MRGPRF: variants seen among roughly 807,000 people sequenced by gnomAD.
The protein encoded by MRGPRF is MAS related GPR family member F, also known as mas-related G protein-coupled receptor member F.
Under a neutral mutation model 3.3 loss-of-function variants are expected in MRGPRF, and 2 were observed. That is an observed-to-expected ratio of 0.61 (90% CI 0.25 to 1.92). The LOEUF (loss-of-function observed/expected upper bound fraction) is 1.92, where lower values mean the gene tolerates loss of function less well. MRGPRF is among the 40% of genes most tolerant of loss of function. The pLI is 0.16. For synonymous variants in MRGPRF, 242 were observed against 222.7 expected, an observed-to-expected ratio of 1.09 and a Z score of -0.77; for missense variants, 500 against 476.0, an observed-to-expected ratio of 1.05 and a Z score of -0.47.
chr11:69,011,053 A>G (rs1489575796), intron 1 of MRGPRF, among the ~76,000 whole-genome samples: 1 of 152,010 alleles, frequency 6.6e-6, no homozygotes, highest in Admixed American at 6.5e-5. Flanking sequence ...TCCCAAGGGG[A>G]GAGCTGGGCA....
chr11:69,006,357 A>G (rs952981130), intron 2 of MRGPRF, 96 bp from the exon 3 acceptor site: 11 of 1,229,630 alleles, frequency 8.9e-6, no homozygotes, highest in Non-Finnish European at 1.2e-5. Context: ...GGGGGTCCCA[A>G]TTAGGGACTT....
Position 69,004,630 on chromosome 11 carries a change from C to T in MRGPRF, c.*648G>A, listed in dbSNP as rs370766656. 9 of 152,170 alleles carry T rather than the reference C, an allele frequency of 5.9e-5. No individual in the cohort carries two copies. The highest frequency in any genetic ancestry group is 3.9e-4 in the Admixed American group (6 of 15,286). The allele number at this position is 152,170 out of a possible 1,614,324, so 9.4% of individuals were successfully genotyped here. On this transcript the variant is annotated 3_prime_UTR_variant, in exon 3 of 3. Coordinates refer to ENST00000309099, the MANE Select transcript of MRGPRF (RefSeq NM_145015.5). ...GAGGCAGCCTAGGACTGGCTCGTCC[C>T]GGAGTCAGAAAAGGCAGGTCAACTA...
intron 1 of MRGPRF, among the ~76,000 whole-genome samples, chr11:69,011,103 G>A (rs1012847981): frequency 6.6e-6 from 1 of 152,042 alleles, no homozygotes; most frequent in Non-Finnish European, 1.5e-5. Flanking sequence ...TTTCCTCTGC[G>A]CCGCGCGGGT....
intron 2 of MRGPRF, among the ~76,000 whole-genome samples, chr11:69,007,970 T>C (rs948889586): frequency 2.0e-5 from 3 of 152,148 alleles, no homozygotes; most frequent in African/African-American, 4.8e-5. Flanking sequence ...TAGGCTTGTG[T>C]ATAAATGCAT....
At chr11:69,007,450 C>T (rs150589658) in intron 2 of MRGPRF, among the ~76,000 whole-genome samples, 1,523 of 152,196 alleles carry the variant, frequency 0.01, 27 homozygotes, top group African/African-American at 0.034. Context: ...TCAGGTGATC[C>T]GCCCATCTTG....
chr11:69,006,593 C>T (rs1018866221), intron 2 of MRGPRF, among the ~76,000 whole-genome samples: 21 of 150,208 alleles, frequency 1.4e-4, no homozygotes, highest in South Asian at 6.3e-4. Flanking sequence ...ACGTCCAAGT[C>T]GCACAAAAAA....
At chr11:69,007,293 C>T (rs530843145) in intron 2 of MRGPRF, among the ~76,000 whole-genome samples, 6 of 151,954 alleles carry the variant, frequency 3.9e-5, no homozygotes, top group African/African-American at 9.7e-5. Context: ...CTACAGCCTC[C>T]GCCTCCCAGG....
intron 2 of MRGPRF, 104 bp downstream of exon 2, chr11:69,009,749 TG>T: frequency 1.5e-6 from 2 of 1,298,522 alleles, no homozygotes; most frequent in Non-Finnish European, 1.1e-6. Context: ...AGCTGGAAAG[TG>T]GGGCCAGGAA....
Position 69,005,697 on chromosome 11 carries a change from G to A in MRGPRF, c.613C>T (p.Leu205=). ...RHMDIFLGIL[L]FLLCCPLMVL... ...ATGAGCGGGCAGCAGAGCAGGAACA[G>A]GAGGATGCCCAGGAAGATGTCCATG... The change falls in exon 3 of 3, where the codon CTG becomes TTG. Residue 205 remains leucine, a synonymous_variant. Coordinates refer to ENST00000309099, the MANE Select transcript of MRGPRF (RefSeq NM_145015.5). 1 of 1,551,028 alleles carries A rather than the reference G, an allele frequency of 6.4e-7. No homozygotes were observed. The highest frequency in any genetic ancestry group is 8.7e-7 in the Non-Finnish European group (1 of 1,147,042).
rs1299542519 is a variant in MRGPRF, at chr11:69,005,611, G to A, written c.699C>T (p.Arg233=). ...GGATGACGTGGTTGAGCTTGGCAGAGCGCTGGCGCCGTCGGGCCCGGCACT... is the reference window on the plus strand; with the variant it reads ...GGATGACGTGGTTGAGCTTGGCAGAACGCTGGCGCCGTCGGGCCCGGCACT... ...HVECRARRRQ[R]SAKLNHVILA... Residue 233 remains arginine, a synonymous_variant, in exon 3 of 3, where the codon CGC becomes CGT. Coordinates refer to ENST00000309099, the MANE Select transcript of MRGPRF (RefSeq NM_145015.5). The A allele has an allele frequency of 6.4e-7, 1 of 1,568,026 alleles. No individual in the cohort carries two copies. Among genetic ancestry groups the A allele is most frequent in the Non-Finnish European group, 8.6e-7 (1 of 1,157,096 alleles).
chr11:69,010,007 C>G, intron 1 of MRGPRF, 50 bp from the exon 2 acceptor site: 1 of 1,259,848 alleles, frequency 7.9e-7, no homozygotes, highest in Non-Finnish European at 1.1e-6. Flanking sequence ...GGACCCCTCC[C>G]CTTCCTGGAC....
intron 1 of MRGPRF, among the ~76,000 whole-genome samples, chr11:69,010,825 T>TG (rs1030012960): frequency 3.3e-5 from 5 of 152,104 alleles, no homozygotes; most frequent in African/African-American, 1.2e-4. Flanking sequence ...CCAGACCTCA[T>TG]GGGTCTGCCT....
chr11:69,005,802 G>A lies in MRGPRF; in HGVS notation c.508C>T (p.Leu170=). ...TGCAGGCAGGTGACCAGGAGGGACAGGACCCACAGCAGGGCGCACACCACG... is the reference window on the plus strand; with the variant it reads ...TGCAGGCAGGTGACCAGGAGGGACAAGACCCACAGCAGGGCGCACACCACG... The part of the protein sequence containing the change: ...SAVVCALLWV[L]SLLVTCLHNY... Residue 170 remains leucine, a synonymous_variant, in exon 3 of 3, where the codon CTG becomes TTG. Coordinates refer to ENST00000309099, the MANE Select transcript of MRGPRF (RefSeq NM_145015.5). 6.5e-7 allele frequency: 1 copy of A among 1,537,976 alleles called. No individual in the cohort carries two copies.
intron 1 of MRGPRF, chr11:69,012,318 C>A (rs1051512310): frequency 6.6e-6 from 1 of 152,086 alleles, no homozygotes; most frequent in Admixed American, 6.5e-5. Context: ...GCCCCGACGC[C>A]GCTGGGGCTG....
chr11:69,005,137 G>T lies in MRGPRF; in HGVS notation c.*141C>A. 2 of 1,134,092 alleles carry T rather than the reference G, an allele frequency of 1.8e-6. No homozygotes were observed. The highest frequency in any genetic ancestry group is 2.4e-6 in the Non-Finnish European group (2 of 830,928). The allele number at this position is 1,134,092 out of a possible 1,614,324, so 70.3% of individuals were successfully genotyped here. ...CTCCCAGCCACCCCTGGAGTCCCCA[G>T]CCCAGGGAGAAGGAGGCCCGAGGAG... On this transcript the variant is annotated 3_prime_UTR_variant, in exon 3 of 3. Coordinates refer to ENST00000309099, the MANE Select transcript of MRGPRF (RefSeq NM_145015.5).
chr11:69,006,591 G>A (rs533430415), intron 2 of MRGPRF, among the ~76,000 whole-genome samples: 131 of 149,724 alleles, frequency 8.7e-4, no homozygotes, highest in Non-Finnish European at 1.5e-3. Context: ...AAACGTCCAA[G>A]TCGCACAAAA....
chr11:69,005,311 C>A lies in MRGPRF; in HGVS notation c.999G>T (p.Met333Ile). Residue 333 changes from methionine to isoleucine, a missense_variant, in exon 3 of 3, where the codon ATG becomes ATT. By Grantham distance (10) the Met-to-Ile change is conservative. Transcript: ENST00000309099. ...CGTTCCCCGGGGGACACTGCATCTC[C>A]ATGGTGACTGTGTTGGGCGTGCTGC... ...AGGSTPNTVT[M>I]EMQCPPGNAS is the part of the protein sequence containing the mutation. 6.5e-7 allele frequency: 1 copy of A among 1,538,442 alleles called. No homozygotes were observed.
At position 69,005,705 on chromosome 11, in the gene MRGPRF, C is replaced by A. The variant is rs113912423; in HGVS notation, c.605G>T (p.Gly202Val). 2 of 1,550,838 alleles carry A rather than the reference C, an allele frequency of 1.3e-6. No homozygotes were observed. The highest frequency in any genetic ancestry group is 3.9e-5 in the Admixed American group (2 of 51,006). Residue 202 changes from glycine (G) to valine (V), a missense_variant, in exon 3 of 3, where the codon GGC becomes GTC. Gly to Val is a moderately radical substitution (Grantham distance 109). Coordinates refer to ENST00000309099, the MANE Select transcript of MRGPRF (RefSeq NM_145015.5). ...AACRHMDIFL[G>V]ILLFLLCCPL... ...GCAGCAGAGCAGGAACAGGAGGATG[C>A]CCAGGAAGATGTCCATGTGCCTGCA...
At chr11:69,009,372 G>T in intron 2 of MRGPRF, 2 of 421,914 alleles carry the variant, frequency 4.7e-6, no homozygotes, top group Non-Finnish European at 8.3e-6. Context: ...TGGAGGGGTT[G>T]TCAGAGTCTC....
Sources: allele counts gnomAD v4.1 joint callset (sites outside exome capture counted in the v4.1 genomes callset), GRCh38; gene constraint gnomAD v4.1.1; transcripts MANE v1.5; gene names NCBI Gene and HGNC (gene_info 2026-07-23, HGNC 2026-07-21).